The following XPO7 variants were observed in gnomAD, a reference collection of about 807,000 sequenced individuals.
The protein encoded by XPO7 is exportin-7.
Under a neutral mutation model 144.3 loss-of-function variants are expected in XPO7, and 21 were observed. That is an observed-to-expected ratio of 0.15 (90% confidence interval 0.10 to 0.21). The LOEUF is 0.21. Ranked by LOEUF, XPO7 falls within the 10% of genes least tolerant of loss-of-function variation. XPO7 has a pLI of 1.00. For missense variants in XPO7, 808 were observed against 1,325.8 expected (o/e 0.61, Z 6.06); for synonymous variants, 580 against 499.6 (o/e 1.16, Z -2.15).
intron 21 of XPO7, among the ~76,000 whole-genome samples, chr8:21,996,532 G>T (rs1355098295): frequency 6.6e-6 from 1 of 152,170 alleles, no homozygotes; most frequent in Non-Finnish European, 1.5e-5. Context: ...ATGGTGCCTT[G>T]TCCATCACAT....
At chr8:21,990,533 C>A in intron 17 of XPO7, 126 bp downstream of exon 17, 1 of 1,075,456 alleles carries the variant, frequency 9.3e-7, no homozygotes, top group Non-Finnish European at 1.4e-6. Context: ...GTCCTGATTC[C>A]CACGATACTG....
chr8:21,995,002 C>T (rs1585479446), intron 20 of XPO7, among the ~76,000 whole-genome samples: 4 of 151,618 alleles, frequency 2.6e-5, no homozygotes, highest in African/African-American at 9.7e-5. Context: ...TGCAGTGAGC[C>T]GAGATCGCGC....
intron 6 of XPO7, among the ~76,000 whole-genome samples, chr8:21,975,650 A>G (rs958047161): frequency 3.3e-5 from 5 of 152,190 alleles, no homozygotes; most frequent in Non-Finnish European, 7.3e-5. Flanking sequence ...AATAATCCTC[A>G]GGTTAAGCAA....
chr8:22,001,197 T>G (rs1039554690), intron 24 of XPO7, among the ~76,000 whole-genome samples: 1 of 151,802 alleles, frequency 6.6e-6, no homozygotes, highest in Admixed American at 6.6e-5. Flanking sequence ...TCCCAGCTAC[T>G]CTGGAGGCTG....
chr8:21,932,725 G>C (rs1164748765), intron 1 of XPO7, among the ~76,000 whole-genome samples: 1 of 152,092 alleles, frequency 6.6e-6, no homozygotes. Context: ...ATGTTTAGAT[G>C]ACAATTGGAC....
At chr8:21,945,584 C>G (rs982199707) in intron 1 of XPO7, among the ~76,000 whole-genome samples, 2 of 152,130 alleles carry the variant, frequency 1.3e-5, no homozygotes, top group African/African-American at 4.8e-5. Flanking sequence ...TCTGAAAATC[C>G]TCCTACTGTA....
chr8:21,945,936 A>G (rs559955792), intron 1 of XPO7, among the ~76,000 whole-genome samples: 2 of 152,334 alleles, frequency 1.3e-5, no homozygotes, highest in East Asian at 3.9e-4. Context: ...AAATGCCAAC[A>G]TGAAACCCTT....
chr8:21,989,803 G>T lies in XPO7; in HGVS notation c.1869-541G>T, dbSNP rs189313598. The stretch of plus-strand genomic sequence containing the variant: ...TTATTCTATTTTCTTACAAATAGGA[G>T]TTTGGTATAGGTGTTTCCTTTTTTT... On this transcript the variant is annotated intron_variant, in intron 16 of 27. Transcript: ENST00000252512. Among the ~76,000 whole-genome samples, 38 of 93,206 alleles carry T rather than the reference G, an allele frequency of 4.1e-4. 1 individual carries two copies. The highest frequency in any genetic ancestry group is 1.3e-3 in the African/African-American group (37 of 29,352). The allele number at this position is 93,206 out of a possible 152,430, so 61.1% of individuals were successfully genotyped here. A position where few individuals can be genotyped will look rare whatever the true frequency, so the allele number is the denominator to read the frequency against.
chr8:21,948,257 A>G (rs192767382), intron 1 of XPO7, among the ~76,000 whole-genome samples: 244 of 152,318 alleles, frequency 1.6e-3, no homozygotes, highest in African/African-American at 5.7e-3. Context: ...ATGTAACTGA[A>G]AAATTCCTGT....
At chr8:21,923,417 C>T (rs1399132879) in intron 1 of XPO7, among the ~76,000 whole-genome samples, 1 of 152,180 alleles carries the variant, frequency 6.6e-6, no homozygotes, top group Non-Finnish European at 1.5e-5. Context: ...ATACCTCTTT[C>T]GTGGGTTTAT....
intron 1 of XPO7, among the ~76,000 whole-genome samples, chr8:21,962,836 T>C (rs912957911): frequency 2.0e-5 from 3 of 152,240 alleles, no homozygotes; most frequent in African/African-American, 7.2e-5. Flanking sequence ...TTATTATCTC[T>C]GATAATTGGA....
At chr8:21,981,950 G>A in intron 10 of XPO7, 73 bp downstream of exon 10, 1 of 1,575,460 alleles carries the variant, frequency 6.3e-7, no homozygotes, top group Non-Finnish European at 8.6e-7. Context: ...AACCATGTAA[G>A]AATATATTTT....
chr8:21,972,042 C>A, intron 5 of XPO7, 101 bp downstream of exon 5: 2 of 1,133,190 alleles, frequency 1.8e-6, no homozygotes, highest in Non-Finnish European at 2.6e-6. Flanking sequence ...CAGTTGTGTG[C>A]TTTTGCGGTA....
intron 1 of XPO7, among the ~76,000 whole-genome samples, chr8:21,946,561 C>T (rs1811193900): frequency 1.0e-5 from 1 of 98,626 alleles, no homozygotes; most frequent in Non-Finnish European, 2.0e-5. Context: ...AGAGGAGAGG[C>T]TTTTCTAGAA....
chr8:21,987,315 C>A (rs1161537495), intron 14 of XPO7, 39 bp downstream of exon 14: 2 of 1,612,320 alleles, frequency 1.2e-6, no homozygotes, highest in Non-Finnish European at 1.7e-6. Flanking sequence ...GTTCTCACTT[C>A]TCACTTGTGG....
rs773772113 is a variant in XPO7, at chr8:21,991,858, T to C, written c.2042-10T>C. On this transcript the variant is annotated splice_polypyrimidine_tract_variant and intron_variant, in intron 18 of 27. Coordinates refer to ENST00000252512, the MANE Select transcript of XPO7 (RefSeq NM_015024.5). ...TATTGGGGTTACACCCTGGGATGTT[T>C]CCTTTACAGGAGAGGATGAAGATCA... 6.2e-7 allele frequency: 1 copy of C among 1,606,116 alleles called. No homozygotes were observed. The highest frequency in any genetic ancestry group is 8.5e-7 in the Non-Finnish European group (1 of 1,176,530).
intron 4 of XPO7, 133 bp downstream of exon 4, chr8:21,970,443 G>A: frequency 1.0e-6 from 1 of 972,322 alleles, no homozygotes; most frequent in Non-Finnish European, 1.4e-6. Flanking sequence ...AGAATTATAT[G>A]ATATATTCTC....
At chr8:21,980,774 CAAAA>C (rs892152378) in intron 9 of XPO7, among the ~76,000 whole-genome samples, 1 of 85,504 alleles carries the variant, frequency 1.2e-5, no homozygotes. Flanking sequence ...GACTCCGTCT[CAAAA>C]AAAAAAAAAA....
intron 1 of XPO7, among the ~76,000 whole-genome samples, chr8:21,951,423 T>C (rs1811369894): frequency 6.6e-6 from 1 of 152,194 alleles, no homozygotes; most frequent in Non-Finnish European, 1.5e-5. Context: ...TAATTTATTA[T>C]AATATGTTTA....
Sources: gnomAD v4.1 joint callset for allele counts (sites outside exome capture counted in the v4.1 genomes callset) on GRCh38, gnomAD v4.1.1 for gene constraint, MANE v1.5 for transcripts, NCBI Gene and HGNC (gene_info 2026-07-23, HGNC 2026-07-21) for gene names.